BSN: variants seen among roughly 807,000 people sequenced by gnomAD.
BSN encodes bassoon presynaptic cytomatrix protein, also known as protein bassoon.
In BSN, 57 loss-of-function variants were observed where a neutral mutation model predicts 264.8. The observed-to-expected ratio is 0.22, with a 90% CI of 0.17 to 0.27. BSN has a LOEUF of 0.27. BSN is among the 10% of genes least tolerant of loss of function. The pLI is 1.00. For missense variants in BSN, 4,615 were observed against 5,232.5 expected, an observed-to-expected ratio of 0.88 and a Z score of 3.64; for synonymous variants, 2,059 against 2,137.3, an observed-to-expected ratio of 0.96 and a Z score of 1.01.
In BSN at chr3:49,642,183, T is replaced by G; in HGVS notation, c.634-85T>G. 8.8e-7 allele frequency: 1 copy of G among 1,138,344 alleles called. No individual in the cohort carries two copies. 70.5% of individuals were successfully genotyped at this position (1,138,344 alleles called of 1,614,324 possible). A position where few individuals can be genotyped will look rare whatever the true frequency, so the allele number is the denominator to read the frequency against. ...CTCCTGCCTGTGCTAGGAGTGGCCT[T>G]GGCTGCTGTGGGGCCTGCACTGACC... On this transcript the variant is annotated intron_variant, in intron 2 of 11. Transcript: ENST00000296452. The surrounding 1 kb of genome is among the most constrained non-coding windows in gnomAD (Gnocchi z 7.0).
intron 1 of BSN, among the ~76,000 whole-genome samples, chr3:49,556,499 C>T (rs1421672699): frequency 3.3e-5 from 5 of 152,208 alleles, no homozygotes; most frequent in African/African-American, 1.2e-4. Context: ...AGTAGTCACA[C>T]AATCTCTTAC....
rs775807587 is a variant in BSN, at chr3:49,652,486, G to C, written c.2930G>C (p.Gly977Ala). Residue 977 changes from glycine to alanine, a missense_variant, in exon 5 of 12, where the codon GGT becomes GCT. Transcript: ENST00000296452. ...LTGSPEDRSRGEHSSTLPAST... is the reference protein window; with the variant it reads ...LTGSPEDRSRAEHSSTLPAST... ...GGCTCCCCTGAGGACCGCTCCCGTGGTGAGCACTCCTCTACATTGCCTGCC... is the reference window on the plus strand; with the variant it reads ...GGCTCCCCTGAGGACCGCTCCCGTGCTGAGCACTCCTCTACATTGCCTGCC... 1 of 1,613,828 alleles carries C rather than the reference G, an allele frequency of 6.2e-7. No homozygotes were observed. Among genetic ancestry groups the C allele is most frequent in the South Asian group, 1.1e-5 (1 of 91,082 alleles).
rs2052649781 is a variant in BSN at position 49,661,073 on chromosome 3, A to G, written c.9228A>G (p.Pro3076=). 6.2e-7 allele frequency: 1 copy of G among 1,606,606 alleles called. No homozygotes were observed. The highest frequency in any genetic ancestry group is 1.1e-5 in the South Asian group (1 of 90,920). The change falls in exon 6 of 12, where the codon CCA becomes CCG. Residue 3076 remains proline, a synonymous_variant. Transcript: ENST00000296452. ...GSGGPTQNGF[P]AHQAPTYPGP... is the part of the protein sequence containing the mutation. The stretch of plus-strand genomic sequence containing the variant: ...GTGGGCCAACTCAGAACGGATTCCC[A>G]GCCCACCAGGCCCCCACCTACCCTG...
chr3:49,577,158 A>G (rs1264326922), intron 1 of BSN, among the ~76,000 whole-genome samples: 2 of 152,294 alleles, frequency 1.3e-5, no homozygotes, highest in African/African-American at 4.8e-5. Flanking sequence ...TTGGCTACTA[A>G]TTATGTCCTG....
intron 3 of BSN, among the ~76,000 whole-genome samples, chr3:49,646,810 C>T (rs750472810): frequency 1.4e-4 from 21 of 152,166 alleles, no homozygotes; most frequent in Non-Finnish European, 2.8e-4. Context: ...GAGGGGGTTA[C>T]AGCCCAGCTA....
Position 49,554,808 on chromosome 3 carries a change from C to G in BSN, c.206C>G (p.Pro69Arg). The change falls in exon 1 of 12, where the codon CCC (proline) becomes CGC (arginine). Residue 69 changes from proline to arginine, a missense_variant. Around this residue, in one of 3 missense-constraint regions of BSN, gnomAD observed 1,197 missense variants for 1,348.0 expected, o/e 0.89. Coordinates refer to ENST00000296452, the MANE Select transcript of BSN (RefSeq NM_003458.4). ...PVPGPGPGPG[P>R]GPGPGSTSRR... Reference sequence around the variant, plus strand: ...CCTGGCCCCGGCCCCGGCCCCGGTCCCGGCCCTGGCCCGGGCAGGTAAGCG... The same window carrying G: ...CCTGGCCCCGGCCCCGGCCCCGGTCGCGGCCCTGGCCCGGGCAGGTAAGCG... 1 of 1,222,260 alleles carries G rather than the reference C, an allele frequency of 8.2e-7. No homozygotes were observed. The highest frequency in any genetic ancestry group is 1.0e-6 in the Non-Finnish European group (1 of 981,774). 75.7% of individuals were successfully genotyped at this position (1,222,260 alleles called of 1,614,324 possible). A position where few individuals can be genotyped will look rare whatever the true frequency, so the allele number is the denominator to read the frequency against.
At position 49,660,707 on chromosome 3, in the gene BSN, G is replaced by A. The variant is rs1038103872; in HGVS notation, c.8862G>A (p.Glu2954=). Residue 2954 remains glutamate (E), a synonymous_variant, in exon 6 of 12, where the codon GAG becomes GAA. Transcript: ENST00000296452. This position sits in a 1 kb window ranked among gnomAD's most constrained non-coding sequence, Gnocchi z 7.1. The part of the protein sequence containing the change: ...LDRDLRLVEH[E]STKLRKKQAE... The stretch of plus-strand genomic sequence containing the variant: ...GGGACCTGCGGCTGGTGGAGCATGA[G>A]TCCACCAAACTGCGCAAGAAGCAGG... 1.9e-6 allele frequency: 3 copies of A among 1,612,954 alleles called. No individual in the cohort carries two copies. Among genetic ancestry groups the A allele is most frequent in the African/African-American group, 1.3e-5 (1 of 74,950 alleles).
chr3:49,643,097 G>A lies in BSN; in HGVS notation c.1463G>A (p.Cys488Tyr). 6.2e-7 allele frequency: 1 copy of A among 1,613,738 alleles called. No homozygotes were observed. The highest frequency in any genetic ancestry group is 8.5e-7 in the Non-Finnish European group (1 of 1,179,938). ...GCCAACTATAACACATGCACCACCT[G>A]CAGGCTCCAGGTGTGCAACCTGTGT... ...SPANYNTCTT[C>Y]RLQVCNLCGF... The change falls in exon 3 of 12, where the codon TGC becomes TAC. Residue 488 changes from cysteine (C) to tyrosine (Y), a missense_variant. Transcript: ENST00000296452.
At chr3:49,606,141 T>A (rs1416472828) in intron 1 of BSN, among the ~76,000 whole-genome samples, 3 of 55,798 alleles carry the variant, frequency 5.4e-5, no homozygotes, top group African/African-American at 2.2e-4. Context: ...TATACATATA[T>A]TATATATGTA....
Position 49,662,953 on chromosome 3 carries a change from G to A in BSN, c.10795G>A (p.Gly3599Arg), listed in dbSNP as rs375613811. The change falls in exon 7 of 12, where the codon GGG (glycine) becomes AGG (arginine). Residue 3599 changes from glycine to arginine, a missense_variant. By Grantham distance (125) the Gly-to-Arg change is moderately radical (BLOSUM62 -2). This residue lies in a region of BSN where 3,415 missense variants were observed against 3,866.4 expected (regional missense o/e 0.88). Transcript: ENST00000296452. ...CCGCTCTGACCGGTTCAGGCACCAC[G>A]GGGGCCATGCAGTTTCCTCCTCCTC... ...DARSDRFRHH[G>R]GHAVSSSSQK... is the part of the protein sequence containing the mutation. 6.2e-6 allele frequency: 10 copies of A among 1,613,926 alleles called. No homozygotes were observed. The highest frequency in any genetic ancestry group is 2.2e-5 in the South Asian group (2 of 91,072).
In BSN at chr3:49,654,454, G is replaced by T; in HGVS notation, c.4898G>T (p.Gly1633Val). The part of the protein sequence containing the change: ...ADGPLALYGW[G>V]ALPAENISLC... ...GGGCCCCTGGCACTATATGGCTGGG[G>T]TGCCCTCCCTGCTGAGAACATCTCC... Residue 1633 changes from glycine to valine, a missense_variant, in exon 5 of 12, where the codon GGT becomes GTT. Physicochemically the swap from Gly to Val is moderately radical, Grantham distance 109 (BLOSUM62 -3). Transcript: ENST00000296452. The surrounding 1 kb of genome is among the most constrained non-coding windows in gnomAD (Gnocchi z 4.1). 1 of 1,605,018 alleles carries T rather than the reference G, an allele frequency of 6.2e-7. No homozygotes were observed. The highest frequency in any genetic ancestry group is 8.5e-7 in the Non-Finnish European group (1 of 1,176,030).
Position 49,653,958 on chromosome 3 carries a change from C to T in BSN, c.4402C>T (p.Arg1468Trp), listed in dbSNP as rs140521805. The change falls in exon 5 of 12, where the codon CGG becomes TGG. Residue 1468 changes from arginine (R) to tryptophan (W), a missense_variant. Arg to Trp is a moderately radical substitution (Grantham distance 101). Around this residue, in one of 3 missense-constraint regions of BSN, gnomAD observed 3,415 missense variants for 3,866.4 expected, o/e 0.88. Transcript: ENST00000296452. This position sits in a 1 kb window ranked among gnomAD's most constrained non-coding sequence, Gnocchi z 6.3. The stretch of plus-strand genomic sequence containing the variant: ...TGAGGGTGGCACTCCTCAGCCTTCC[C>T]GGGCATATTCCTACTTTGCAAGCTC... ...DGEGGTPQPSRAYSYFASSSP... is the reference protein window; with the variant it reads ...DGEGGTPQPSWAYSYFASSSP... 148 of 1,614,094 alleles carry T rather than the reference C, an allele frequency of 9.2e-5. No homozygotes were observed. The highest frequency in any genetic ancestry group is 1.3e-4 in the Admixed American group (8 of 60,022).
At chr3:49,565,465 C>T (rs1309828511) in intron 1 of BSN, among the ~76,000 whole-genome samples, 2 of 151,398 alleles carry the variant, frequency 1.3e-5, no homozygotes, top group Non-Finnish European at 3.0e-5. Context: ...GGACTACAGC[C>T]GCCCGCCACT....
At position 49,660,844 on chromosome 3, in the gene BSN, C is replaced by T. The variant is rs1559618610; in HGVS notation, c.8999C>T (p.Pro3000Leu). 2 of 1,613,212 alleles carry T rather than the reference C, an allele frequency of 1.2e-6. No homozygotes were observed. Among genetic ancestry groups the T allele is most frequent in the Non-Finnish European group, 1.7e-6 (2 of 1,180,044 alleles). ...AAAGACCGGGGTGGCCGTGACTACC[C>T]ACCCTTGCGTGGTCTTGGCGAGCAT... is the stretch of plus-strand genomic sequence containing the variant. The part of the protein sequence containing the change: ...LAKDRGGRDY[P>L]PLRGLGEHRD... Residue 3000 changes from proline (P) to leucine (L), a missense_variant, in exon 6 of 12, where the codon CCA becomes CTA. Pro to Leu is a moderately conservative substitution (Grantham distance 98, BLOSUM62 -3). Around this residue, in one of 3 missense-constraint regions of BSN, gnomAD observed 3,415 missense variants for 3,866.4 expected, o/e 0.88. Coordinates refer to ENST00000296452, the MANE Select transcript of BSN (RefSeq NM_003458.4). The surrounding 1 kb of genome is among the most constrained non-coding windows in gnomAD (Gnocchi z 7.1).
At chr3:49,635,868 A>G (rs931463087) in intron 2 of BSN, among the ~76,000 whole-genome samples, 1 of 151,640 alleles carries the variant, frequency 6.6e-6, no homozygotes, top group Non-Finnish European at 1.5e-5. Context: ...AGTCCCATCT[A>G]CTCGGGAGGC....
chr3:49,654,974 C>G lies in BSN; in HGVS notation c.5418C>G (p.Asn1806Lys). Reference sequence around the variant, plus strand: ...AGTTTGCCAGATATAACCTACCCAACCAAGTAGCTCCTCTGGCCAGAAGAG... The same window carrying G: ...AGTTTGCCAGATATAACCTACCCAAGCAAGTAGCTCCTCTGGCCAGAAGAG... ...EAKFARYNLP[N>K]QVAPLARRDV... is the part of the protein sequence containing the mutation. Residue 1806 changes from asparagine (N) to lysine (K), a missense_variant, in exon 5 of 12, where the codon AAC becomes AAG. Physicochemically the swap from Asn to Lys is moderately conservative, Grantham distance 94. This residue lies in a region of BSN where 3,415 missense variants were observed against 3,866.4 expected (regional missense o/e 0.88). Transcript: ENST00000296452. The surrounding 1 kb of genome is among the most constrained non-coding windows in gnomAD (Gnocchi z 4.1). The G allele has an allele frequency of 6.2e-7, 1 of 1,612,904 alleles. No individual in the cohort carries two copies. Among genetic ancestry groups the G allele is most frequent in the Non-Finnish European group, 8.5e-7 (1 of 1,179,628 alleles).
chr3:49,579,551 C>T (rs1037097674), intron 1 of BSN, among the ~76,000 whole-genome samples: 6 of 151,784 alleles, frequency 4.0e-5, no homozygotes, highest in South Asian at 2.1e-4. Flanking sequence ...TACAGGCGCC[C>T]GTCACCACGC....
rs1332230102 is a variant in BSN, at chr3:49,658,130, C to T, written c.8574C>T (p.Pro2858=). 23 of 1,609,442 alleles carry T rather than the reference C, an allele frequency of 1.4e-5. No individual in the cohort carries two copies. The highest frequency in any genetic ancestry group is 1.9e-5 in the Non-Finnish European group (22 of 1,177,562). ...RSLSDPKPLS[P]TAEESAKERF... ...TGTCTGACCCTAAGCCCCTCAGCCCCACCGCCGAAGAGTCTGCCAAAGAGA... is the reference window on the plus strand; with the variant it reads ...TGTCTGACCCTAAGCCCCTCAGCCCTACCGCCGAAGAGTCTGCCAAAGAGA... Residue 2858 remains proline, a synonymous_variant, in exon 5 of 12, where the codon CCC becomes CCT. Coordinates refer to ENST00000296452, the MANE Select transcript of BSN (RefSeq NM_003458.4).
Position 49,663,251 on chromosome 3 carries a change from G to C in BSN, c.11093G>C (p.Gly3698Ala), listed in dbSNP as rs567959702. The change falls in exon 7 of 12, where the codon GGG (glycine) becomes GCG (alanine). Residue 3698 changes from glycine to alanine, a missense_variant. Gly to Ala is a moderately conservative substitution (Grantham distance 60, BLOSUM62 0). Around this residue, in one of 3 missense-constraint regions of BSN, gnomAD observed 3,415 missense variants for 3,866.4 expected, o/e 0.88. Transcript: ENST00000296452. Reference sequence around the variant, plus strand: ...GCTATGCCGAAGAAGGGTCAGCCTGGGTATCCCAGCTCTGCTGAGTACTCA... The same window carrying C: ...GCTATGCCGAAGAAGGGTCAGCCTGCGTATCCCAGCTCTGCTGAGTACTCA... ...APAMPKKGQP[G>A]YPSSAEYSQP... 6.2e-7 allele frequency: 1 copy of C among 1,614,120 alleles called. No homozygotes were observed. Among genetic ancestry groups the C allele is most frequent in the South Asian group, 1.1e-5 (1 of 91,088 alleles).
Sources: gnomAD v4.1 joint callset for allele counts (sites outside exome capture counted in the v4.1 genomes callset) on GRCh38, gnomAD v4.1.1 for gene constraint, gnomAD v4.1.1 regional missense constraint, Gnocchi (gnomAD v3.1) non-coding constraint, MANE v1.5 for transcripts, NCBI Gene and HGNC (gene_info 2026-07-23, HGNC 2026-07-21) for gene names.